Variants in RSU1 observed in about 807,000 individuals in gnomAD.
RSU1 encodes the protein Ras suppressor protein 1, also known as rsu-1.
Under a neutral mutation model 31.1 loss-of-function variants are expected in RSU1, and 26 were observed. The observed-to-expected ratio is 0.84, with a 90% CI of 0.61 to 1.16. RSU1 has a LOEUF of 1.16. Ranked by LOEUF, RSU1 falls within the 50% of genes most tolerant of loss-of-function variation. The pLI is 0.00. For missense variants in RSU1, 320 were observed against 339.1 expected (o/e 0.94, Z 0.44); for synonymous variants, 164 against 136.3 (o/e 1.20, Z -1.41).
rs1343489627 is a variant in RSU1 at position 16,591,743 on chromosome 10, T to A, written c.*1651A>T. The A allele has an allele frequency of 6.6e-6, 1 of 152,226 alleles. No homozygotes were observed. The highest frequency in any genetic ancestry group is 6.5e-5 in the Admixed American group (1 of 15,288). 9.4% of individuals were successfully genotyped at this position (152,226 alleles called of 1,614,324 possible). A position where few individuals can be genotyped will look rare whatever the true frequency, so the allele number is the denominator to read the frequency against. On this transcript the variant is annotated 3_prime_UTR_variant, in exon 9 of 9. Coordinates refer to ENST00000345264, the MANE Select transcript of RSU1 (RefSeq NM_012425.4). ...TAAGAGCCCTTCATATTGTTAGATT[T>A]TTACTAATGCTTTCTTGCTGGTTTA...
intron 8 of RSU1, among the ~76,000 whole-genome samples, chr10:16,635,617 T>TA (rs747438287): frequency 6.6e-6 from 1 of 152,244 alleles, no homozygotes; most frequent in Non-Finnish European, 1.5e-5. Flanking sequence ...CAACTGGTCC[T>TA]ATCTCCTACC....
intron 8 of RSU1, among the ~76,000 whole-genome samples, chr10:16,658,715 C>T (rs1310755082): frequency 6.6e-6 from 1 of 152,112 alleles, no homozygotes; most frequent in Non-Finnish European, 1.5e-5. Flanking sequence ...CAGAGTGAGA[C>T]CCCATCTCTA....
intron 4 of RSU1, 78 bp downstream of exon 4, chr10:16,764,312 G>A: frequency 1.4e-6 from 2 of 1,400,536 alleles, no homozygotes; most frequent in South Asian, 1.8e-5. Flanking sequence ...AATATAAAAG[G>A]AATCCCTCCC....
chr10:16,658,512 T>C (rs1262377711), intron 8 of RSU1, among the ~76,000 whole-genome samples: 1 of 152,056 alleles, frequency 6.6e-6, no homozygotes, highest in East Asian at 1.9e-4. Context: ...TCACCGGAGA[T>C]CAGGAGTTCG....
intron 8 of RSU1, among the ~76,000 whole-genome samples, chr10:16,631,258 C>T (rs150261512): frequency 4.9e-4 from 74 of 152,232 alleles, no homozygotes; most frequent in Non-Finnish European, 2.1e-4. Flanking sequence ...ATTGGGGGGA[C>T]GGTTCCGAGC....
intron 8 of RSU1, among the ~76,000 whole-genome samples, chr10:16,640,504 G>A (rs150404234): frequency 4.9e-4 from 74 of 152,280 alleles, no homozygotes; most frequent in African/African-American, 1.7e-3. Flanking sequence ...TTTGCTACTA[G>A]AGGATAAAAA....
At chr10:16,803,235 TACATTA>T (rs1178813226) in intron 2 of RSU1, among the ~76,000 whole-genome samples, 1 of 152,128 alleles carries the variant, frequency 6.6e-6, no homozygotes, top group Non-Finnish European at 1.5e-5. Context: ...AATAGAATTT[TACATTA>T]AAAACACACC....
At chr10:16,678,049 T>C (rs112858461) in intron 8 of RSU1, among the ~76,000 whole-genome samples, 2,174 of 152,306 alleles carry the variant, frequency 0.014, 52 homozygotes, top group African/African-American at 0.048. Flanking sequence ...TTCCATCCTT[T>C]AAGACACAAT....
intron 7 of RSU1, among the ~76,000 whole-genome samples, chr10:16,718,636 G>A (rs535796625): frequency 1.3e-5 from 2 of 152,204 alleles, no homozygotes; most frequent in African/African-American, 4.8e-5. Flanking sequence ...TCAGACTCAT[G>A]GCTCAAATTT....
chr10:16,691,090 T>G (rs7075170), intron 8 of RSU1, among the ~76,000 whole-genome samples: 13 of 152,268 alleles, frequency 8.5e-5, no homozygotes, highest in Admixed American at 4.6e-4. Context: ...TTTGCTTTTT[T>G]AAAAAAACTA....
chr10:16,809,308 T>G (rs928222052), intron 2 of RSU1, among the ~76,000 whole-genome samples: 5 of 152,200 alleles, frequency 3.3e-5, no homozygotes, highest in African/African-American at 1.2e-4. Context: ...ACCTCAAAGA[T>G]GCTCTGGTTG....
rs1446638474 is a variant in RSU1, at chr10:16,645,997, T to C, written c.731+49026A>G. Among the ~76,000 whole-genome samples, 2 of 90,286 alleles carry C rather than the reference T, an allele frequency of 2.2e-5. 1 individual carries two copies. The highest frequency in any genetic ancestry group is 4.1e-5 in the Non-Finnish European group (2 of 49,206). The allele number at this position is 90,286 out of a possible 152,430, so 59.2% of individuals were successfully genotyped here. ...ATATGTGTATATACATATATGTGTATATATATGTGTATATACATATATGTG... is the reference window on the plus strand; with the variant it reads ...ATATGTGTATATACATATATGTGTACATATATGTGTATATACATATATGTG... On this transcript the variant is annotated intron_variant, in intron 8 of 8. Coordinates refer to ENST00000345264, the MANE Select transcript of RSU1 (RefSeq NM_012425.4).
At chr10:16,672,319 G>A (rs1835123590) in intron 8 of RSU1, among the ~76,000 whole-genome samples, 1 of 151,318 alleles carries the variant, frequency 6.6e-6, no homozygotes, top group Admixed American at 6.6e-5. Context: ...CAAAAAAAAA[G>A]GTAAATCCAT....
intron 7 of RSU1, among the ~76,000 whole-genome samples, chr10:16,718,272 T>A (rs995109499): frequency 6.6e-6 from 1 of 152,280 alleles, no homozygotes; most frequent in Non-Finnish European, 1.5e-5. Context: ...TATTCTAATA[T>A]TCCTTAGCAT....
chr10:16,611,991 C>T, intron 8 of RSU1, among the ~76,000 whole-genome samples: 1 of 152,166 alleles, frequency 6.6e-6, no homozygotes, highest in East Asian at 1.9e-4. Flanking sequence ...GTGCTTTATC[C>T]TCCATAAAAC....
chr10:16,788,672 G>A (rs961575539), intron 2 of RSU1, among the ~76,000 whole-genome samples: 5 of 152,106 alleles, frequency 3.3e-5, no homozygotes, highest in Admixed American at 2.0e-4. Context: ...CACACCTCAA[G>A]ATCCAAGACG....
chr10:16,631,373 C>T (rs1474742753), intron 8 of RSU1, among the ~76,000 whole-genome samples: 1 of 152,206 alleles, frequency 6.6e-6, no homozygotes, highest in East Asian at 1.9e-4. Context: ...GACATGGCCA[C>T]ATCTCAGAGA....
intron 3 of RSU1, among the ~76,000 whole-genome samples, chr10:16,772,641 G>GAAAAAAAAAAAAA (rs60460081): frequency 2.7e-3 from 173 of 63,956 alleles, no homozygotes; most frequent in Non-Finnish European, 3.5e-3. Context: ...AGTAGAATAT[G>GAAAAAAAAAAAAA]AAAAAAAAAA....
intron 2 of RSU1, among the ~76,000 whole-genome samples, chr10:16,793,162 T>C (rs942054168): frequency 6.6e-6 from 1 of 152,226 alleles, no homozygotes; most frequent in African/African-American, 2.4e-5. Context: ...ACTTTTAAAA[T>C]ATCACGGTGG....
Sources: allele counts gnomAD v4.1 joint callset (sites outside exome capture counted in the v4.1 genomes callset), GRCh38; gene constraint gnomAD v4.1.1; transcripts MANE v1.5; gene names NCBI Gene and HGNC (gene_info 2026-07-23, HGNC 2026-07-21).